COG7: variants seen among roughly 807,000 people sequenced by gnomAD.
COG7 encodes the protein conserved oligomeric Golgi complex subunit 7.
COG7 carries 49 observed loss-of-function variants against 91.5 expected under a neutral mutation model. The ratio of observed to expected loss-of-function variants is 0.54; its 90% confidence interval spans 0.43 to 0.68. The LOEUF is 0.68. COG7 is among the 30% of genes least tolerant of loss of function. The pLI is 0.00. For synonymous variants in COG7, 365 were observed against 388.7 expected (o/e 0.94, Z 0.72); for missense variants, 895 against 961.3 (o/e 0.93, Z 0.91).
chr16:23,453,003 T>C lies in COG7; in HGVS notation c.-9A>G. The C allele has an allele frequency of 6.2e-7, 1 of 1,614,034 alleles. No homozygotes were observed. The highest frequency in any genetic ancestry group is 8.5e-7 in the Non-Finnish European group (1 of 1,179,934). Reference sequence around the variant, plus strand: ...AACTTGGAGAAGTCCATGGCGGAACTGCCTCAGGCCTGGCGTCCAGAACTT... The same window carrying C: ...AACTTGGAGAAGTCCATGGCGGAACCGCCTCAGGCCTGGCGTCCAGAACTT... On this transcript the variant is annotated 5_prime_UTR_variant, in exon 1 of 17. Coordinates refer to ENST00000307149, the MANE Select transcript of COG7 (RefSeq NM_153603.4).
intron 4 of COG7, among the ~76,000 whole-genome samples, chr16:23,440,340 T>TCCAC (rs1964081058): frequency 6.9e-6 from 1 of 145,130 alleles, no homozygotes; most frequent in Non-Finnish European, 1.5e-5. Context: ...GCCACTGCAC[T>TCCAC]CCACCCTGGG....
intron 13 of COG7, among the ~76,000 whole-genome samples, chr16:23,402,229 T>C (rs1218117344): frequency 6.6e-6 from 1 of 152,216 alleles, no homozygotes; most frequent in Non-Finnish European, 1.5e-5. Flanking sequence ...TATCCACTGA[T>C]GCCCAATCAG....
intron 10 of COG7, chr16:23,412,667 G>C (rs1412864405): frequency 6.6e-6 from 1 of 152,232 alleles, no homozygotes; most frequent in Non-Finnish European, 1.5e-5. Context: ...ACTTGAGAAG[G>C]TCACCTCAAT....
At chr16:23,423,333 C>T (rs996620927) in intron 7 of COG7, among the ~76,000 whole-genome samples, 4 of 150,752 alleles carry the variant, frequency 2.7e-5, no homozygotes, top group African/African-American at 9.7e-5. Flanking sequence ...CACCGCTGCA[C>T]TCCAGCCTGG....
intron 13 of COG7, among the ~76,000 whole-genome samples, chr16:23,402,820 G>A (rs935747304): frequency 2.6e-5 from 4 of 152,192 alleles, no homozygotes; most frequent in Admixed American, 1.3e-4. Context: ...GCAATTTTAC[G>A]GATGGGAATC....
In COG7 at chr16:23,453,017, C is replaced by A. The variant is rs752095064; in HGVS notation, c.-23G>T. 3.1e-6 allele frequency: 5 copies of A among 1,613,676 alleles called. No homozygotes were observed. In the African/African-American group the frequency reaches 4.0e-5, roughly 13 times the overall value. On this transcript the variant is annotated 5_prime_UTR_variant, in exon 1 of 17. Transcript: ENST00000307149. ...CATGGCGGAACTGCCTCAGGCCTGGCGTCCAGAACTTAAGAGTTGGCTCCG... is the reference window on the plus strand; with the variant it reads ...CATGGCGGAACTGCCTCAGGCCTGGAGTCCAGAACTTAAGAGTTGGCTCCG...
chr16:23,395,703 T>C (rs1963274997), intron 14 of COG7, among the ~76,000 whole-genome samples: 1 of 152,214 alleles, frequency 6.6e-6, no homozygotes, highest in South Asian at 2.1e-4. Flanking sequence ...TATTCACTCC[T>C]TGGAAATCAA....
intron 1 of COG7, chr16:23,446,445 CTTTT>C (rs34254755): frequency 1.7e-3 from 193 of 112,788 alleles, no homozygotes; most frequent in South Asian, 5.2e-3. Flanking sequence ...TTTCCATGGT[CTTTT>C]TTTTTTTTTT....
In COG7 at chr16:23,452,931, T is replaced by C; in HGVS notation, c.64A>G (p.Arg22Gly). 6.2e-7 allele frequency: 1 copy of C among 1,614,114 alleles called. No individual in the cohort carries two copies. The highest frequency in any genetic ancestry group is 8.5e-7 in the Non-Finnish European group (1 of 1,180,010). ...GACGCCGCCTCCTTGGAGCCGGCCC[T>C]GAAGGCCGCATTGATCCACTCCTTC... ...DVKEWINAAF[R>G]AGSKEAASGK... Residue 22 changes from arginine to glycine, a missense_variant, in exon 1 of 17, where the codon AGG becomes GGG. Arg to Gly is a moderately radical substitution (Grantham distance 125). Transcript: ENST00000307149.
chr16:23,403,731 C>G lies in COG7; in HGVS notation c.1766G>C (p.Arg589Pro). Reference sequence around the variant, plus strand: ...AATAAGCAACAGCTGTTGTTTGATGCGCAGGAACACGGAATCGAAAGCCAG... The same window carrying G: ...AATAAGCAACAGCTGTTGTTTGATGGGCAGGAACACGGAATCGAAAGCCAG... ...HQLAFDSVFL[R>P]IKQQLLLISK... Residue 589 changes from arginine (R) to proline (P), a missense_variant, in exon 13 of 17, where the codon CGC becomes CCC. By Grantham distance (103) the Arg-to-Pro change is moderately radical (BLOSUM62 -2). Coordinates refer to ENST00000307149, the MANE Select transcript of COG7 (RefSeq NM_153603.4). 1 of 1,614,132 alleles carries G rather than the reference C, an allele frequency of 6.2e-7. No individual in the cohort carries two copies.
chr16:23,419,180 C>A (rs9646258), intron 7 of COG7, among the ~76,000 whole-genome samples: 2,066 of 152,132 alleles, frequency 0.014, 28 homozygotes, highest in Middle Eastern at 0.078. Flanking sequence ...CCGAGGCGGG[C>A]GGATCAACTG....
chr16:23,417,769 G>C (rs1468577475), intron 8 of COG7, among the ~76,000 whole-genome samples: 4 of 152,160 alleles, frequency 2.6e-5, no homozygotes, highest in Middle Eastern at 6.8e-3. Context: ...GACAGAGCAA[G>C]ACCCTCTCAA....
intron 7 of COG7, among the ~76,000 whole-genome samples, chr16:23,424,356 G>A (rs1479432734): frequency 1.4e-5 from 2 of 146,948 alleles, no homozygotes; most frequent in Non-Finnish European, 3.0e-5. Context: ...ACTGACTTTT[G>A]AGGTTGAAAT....
intron 7 of COG7, among the ~76,000 whole-genome samples, chr16:23,420,263 T>C: frequency 6.6e-6 from 1 of 152,222 alleles, no homozygotes; most frequent in East Asian, 1.9e-4. Flanking sequence ...ATTCAATTCC[T>C]GAAAATCATC....
intron 7 of COG7, 94 bp from the exon 8 acceptor site, chr16:23,418,921 T>C: frequency 8.7e-7 from 1 of 1,148,624 alleles, no homozygotes; most frequent in Non-Finnish European, 1.3e-6. Context: ...ACTAGAACTT[T>C]CCCCATTTGA....
chr16:23,430,184 C>T (rs1188231557), intron 6 of COG7, among the ~76,000 whole-genome samples: 3 of 152,120 alleles, frequency 2.0e-5, no homozygotes, highest in African/African-American at 2.4e-5. Context: ...CTTTGGGAGG[C>T]GTGCAGCCCA....
Position 23,398,039 on chromosome 16 carries a change from C to T in COG7, c.1887+7G>A. 6.2e-7 allele frequency: 1 copy of T among 1,613,132 alleles called. No individual in the cohort carries two copies. The highest frequency in any genetic ancestry group is 1.3e-5 in the African/African-American group (1 of 74,998). The stretch of plus-strand genomic sequence containing the variant: ...ACCACCCTGGAGAAGCACACAGAAG[C>T]TCTTACGTTGCTGATGTACTCGAGA... On this transcript the variant is annotated splice_region_variant and intron_variant, in intron 14 of 16. Transcript: ENST00000307149.
chr16:23,424,445 C>T (rs1963811526), intron 7 of COG7, among the ~76,000 whole-genome samples: 1 of 152,076 alleles, frequency 6.6e-6, no homozygotes, highest in African/African-American at 2.4e-5. Context: ...TTTGCCATAA[C>T]ATCTACCTGC....
chr16:23,395,434 T>C (rs1963271012), intron 14 of COG7, among the ~76,000 whole-genome samples: 1 of 152,214 alleles, frequency 6.6e-6, no homozygotes, highest in Non-Finnish European at 1.5e-5. Context: ...GCCATAAGCT[T>C]TGGCTAAGTC....
Sources: allele counts gnomAD v4.1 joint callset (sites outside exome capture counted in the v4.1 genomes callset), GRCh38; gene constraint gnomAD v4.1.1; transcripts MANE v1.5; gene names NCBI Gene and HGNC (gene_info 2026-07-23, HGNC 2026-07-21).